The following HMCN2 variants were observed in gnomAD, a reference collection of about 807,000 sequenced individuals.
HMCN2 encodes hemicentin-2.
In HMCN2, 325 loss-of-function variants were observed where a neutral mutation model predicts 377.5. The ratio of observed to expected loss-of-function variants is 0.86; its 90% confidence interval spans 0.79 to 0.94. The LOEUF is 0.94. HMCN2 is among the 40% of genes least tolerant of loss of function. The pLI is 0.00. For missense variants in HMCN2, 4,543 were observed against 4,725.3 expected, an observed-to-expected ratio of 0.96 and a Z score of 1.13; for synonymous variants, 2,007 against 2,046.8, an observed-to-expected ratio of 0.98 and a Z score of 0.53.
chr9:130,340,527 T>C (rs1443856959), intron 23 of HMCN2, among the ~76,000 whole-genome samples: 1 of 151,694 alleles, frequency 6.6e-6, no homozygotes, highest in Non-Finnish European at 1.5e-5. Flanking sequence ...GCGCTTTTTT[T>C]TTTTTTTTCT....
chr9:130,391,547 G>C lies in HMCN2; in HGVS notation c.9925G>C (p.Ala3309Pro). Residue 3309 changes from alanine (A) to proline (P), a missense_variant, in exon 65 of 98, where the codon GCC becomes CCC. By Grantham distance (27) the Ala-to-Pro change is conservative (BLOSUM62 -1). This residue lies in a region of HMCN2 where 1,073 missense variants were observed against 1,319.5 expected (regional missense o/e 0.81). Coordinates refer to ENST00000683500, the MANE Select transcript of HMCN2 (RefSeq NM_001291815.2). ...CVAHNPAGED[A>P]RLHTVNVLVP... ...GGCCCACAACCCAGCCGGGGAGGACGCCAGGCTGCACACGGTGAATGTGCT... is the reference window on the plus strand; with the variant it reads ...GGCCCACAACCCAGCCGGGGAGGACCCCAGGCTGCACACGGTGAATGTGCT... The C allele has an allele frequency of 2.0e-6, 2 of 987,546 alleles. No homozygotes were observed. Among genetic ancestry groups the C allele is most frequent in the South Asian group, 9.4e-5 (2 of 21,364 alleles). 61.2% of individuals were successfully genotyped at this position (987,546 alleles called of 1,614,324 possible).
chr9:130,276,493 C>T lies in HMCN2; in HGVS notation c.260-8110C>T, dbSNP rs530554480. On this transcript the variant is annotated intron_variant, in intron 1 of 97. Transcript: ENST00000683500. ...TGGCAGAAATATCTCCTTGATTGAA[C>T]ATTAGCAGGTGGAGTTGACAGGGAC... Among the ~76,000 whole-genome samples the T allele has an allele frequency of 1.3e-4, 20 of 152,298 alleles. No individual in the cohort carries two copies. In the South Asian group the frequency reaches 2.9e-3, roughly 22 times the overall value.
Position 130,394,249 on chromosome 9 carries a change from C to T in HMCN2, c.10502-136C>T, listed in dbSNP as rs1233166338. 5.1e-6 allele frequency: 3 copies of T among 591,876 alleles called. No individual in the cohort carries two copies. Among genetic ancestry groups the T allele is most frequent in the East Asian group, 7.1e-5 (1 of 14,150 alleles). 36.7% of individuals were successfully genotyped at this position (591,876 alleles called of 1,614,324 possible). A position where few individuals can be genotyped will look rare whatever the true frequency, so the allele number is the denominator to read the frequency against. ...GTGCTCCTGGTTTCTTTCCACCAAACCTTGGTGGCAGATGCAAGAACAAGG... is the reference window on the plus strand; with the variant it reads ...GTGCTCCTGGTTTCTTTCCACCAAATCTTGGTGGCAGATGCAAGAACAAGG... On this transcript the variant is annotated intron_variant, in intron 68 of 97. Transcript: ENST00000683500. This position sits in a 1 kb window ranked among gnomAD's most constrained non-coding sequence, Gnocchi z 5.1.
intron 85 of HMCN2, among the ~76,000 whole-genome samples, chr9:130,415,358 G>T (rs1843630281): frequency 6.6e-6 from 1 of 152,064 alleles, no homozygotes; most frequent in African/African-American, 2.4e-5. Context: ...TTTATTTTTT[G>T]ATGGGGTCTT....
chr9:130,311,296 T>C (rs1008829085), intron 15 of HMCN2, among the ~76,000 whole-genome samples: 8 of 152,208 alleles, frequency 5.3e-5, no homozygotes, highest in Non-Finnish European at 1.2e-4. Context: ...CGGGCCAGGC[T>C]CTGACTGGAG....
At chr9:130,297,945 A>G (rs2131322292) in intron 7 of HMCN2, among the ~76,000 whole-genome samples, 1 of 152,240 alleles carries the variant, frequency 6.6e-6, no homozygotes, top group South Asian at 2.1e-4. Context: ...CTCTTGATAA[A>G]GATGTATATC....
intron 85 of HMCN2, among the ~76,000 whole-genome samples, chr9:130,413,011 T>C (rs1843508816): frequency 6.6e-6 from 1 of 152,276 alleles, no homozygotes; most frequent in South Asian, 2.1e-4. Flanking sequence ...CCATTTATGT[T>C]GATCTTGAAT....
rs1842476490 is a variant in HMCN2 at position 130,394,071 on chromosome 9, C to A, written c.10501+63C>A. ...GGGGGAGAGGGTGGGACTCTAGGGG[C>A]AATGGGAAGGACAGTGAGGGAGGTG... On this transcript the variant is annotated intron_variant, in intron 68 of 97. Transcript: ENST00000683500. This position sits in a 1 kb window ranked among gnomAD's most constrained non-coding sequence, Gnocchi z 5.1. The A allele has an allele frequency of 8.5e-7, 1 of 1,181,202 alleles. No homozygotes were observed. Among genetic ancestry groups the A allele is most frequent in the Non-Finnish European group, 1.1e-6 (1 of 935,278 alleles). The allele number at this position is 1,181,202 out of a possible 1,614,324, so 73.2% of individuals were successfully genotyped here.
intron 5 of HMCN2, among the ~76,000 whole-genome samples, chr9:130,295,374 C>G (rs1275597305): frequency 5.3e-5 from 8 of 152,052 alleles, no homozygotes; most frequent in Non-Finnish European, 7.4e-5. Flanking sequence ...GAGTGCTCAT[C>G]AAGGTCAACA....
intron 1 of HMCN2, among the ~76,000 whole-genome samples, chr9:130,278,255 G>T (rs1325973617): frequency 6.6e-6 from 1 of 152,100 alleles, no homozygotes; most frequent in Non-Finnish European, 1.5e-5. Context: ...CTCCCGAGTA[G>T]CTGGGACTAC....
chr9:130,314,391 C>A (rs1268015771), intron 15 of HMCN2, among the ~76,000 whole-genome samples: 1 of 152,104 alleles, frequency 6.6e-6, no homozygotes, highest in Admixed American at 6.5e-5. Flanking sequence ...AAAAAATGAC[C>A]AATAGTGAAT....
At position 130,393,831 on chromosome 9, in the gene HMCN2, G is replaced by A. The variant is rs865832305; in HGVS notation, c.10324G>A (p.Val3442Ile). 6.2e-5 allele frequency: 80 copies of A among 1,289,342 alleles called. No homozygotes were observed. The highest frequency in any genetic ancestry group is 1.2e-4 in the African/African-American group (8 of 65,972). 79.9% of individuals were successfully genotyped at this position (1,289,342 alleles called of 1,614,324 possible). The change falls in exon 68 of 98, where the codon GTT (valine) becomes ATT (isoleucine). Residue 3442 changes from valine (V) to isoleucine (I), a missense_variant. Val to Ile is a conservative substitution (Grantham distance 29). This residue lies in a region of HMCN2 where 1,073 missense variants were observed against 1,319.5 expected (regional missense o/e 0.81). Transcript: ENST00000683500. This position sits in a 1 kb window ranked among gnomAD's most constrained non-coding sequence, Gnocchi z 5.2. ...LVELPCEARG[V>I]PLPLVSWMKD... ...GGAACTCCCGTGCGAGGCCCGGGGC[G>A]TTCCCCTGCCTCTCGTGTCGTGGAT... is the stretch of plus-strand genomic sequence containing the variant.
Position 130,391,254 on chromosome 9 carries a change from G to A in HMCN2, c.9718G>A (p.Glu3240Lys). The A allele has an allele frequency of 1.0e-6, 1 of 987,780 alleles. No homozygotes were observed. The highest frequency in any genetic ancestry group is 1.2e-6 in the Non-Finnish European group (1 of 830,164). The allele number at this position is 987,780 out of a possible 1,614,324, so 61.2% of individuals were successfully genotyped here. ...CGTGGCGCGGGAGCACCATGTCTTG[G>A]AAGGGCAGGAGGTGCGGCTGGACTG... ...SGVAREHHVL[E>K]GQEVRLDCEA... is the part of the protein sequence containing the mutation. The change falls in exon 64 of 98, where the codon GAA becomes AAA. Residue 3240 changes from glutamate (E) to lysine (K), a missense_variant. Glu to Lys is a moderately conservative substitution (Grantham distance 56). Around this residue, in one of 5 missense-constraint regions of HMCN2, gnomAD observed 736 missense variants for 773.2 expected, o/e 0.95. Transcript: ENST00000683500.
rs541649011 is a variant in HMCN2 at position 130,434,108 on chromosome 9, A to AT, written c.*424dup. On this transcript the variant is annotated 3_prime_UTR_variant, in exon 98 of 98. Transcript: ENST00000683500. ...CTGAACCCTGTTGCAATATAAAGGGATTTTTTTTTAACCAACTTGGTTTCT... is the reference window on the plus strand; with the variant it reads ...CTGAACCCTGTTGCAATATAAAGGGATTTTTTTTTTAACCAACTTGGTTTCT... 4.8e-4 allele frequency: 80 copies of AT among 166,354 alleles called. No individual in the cohort carries two copies. The highest frequency in any genetic ancestry group is 7.2e-4 in the African/African-American group (30 of 41,944). 10.3% of individuals were successfully genotyped at this position (166,354 alleles called of 1,614,324 possible).
chr9:130,349,547 C>T lies in HMCN2; in HGVS notation c.4314C>T (p.Ser1438=), dbSNP rs373036886. 1.0e-5 allele frequency: 13 copies of T among 1,302,780 alleles called. No individual in the cohort carries two copies. Among genetic ancestry groups the T allele is most frequent in the South Asian group, 1.2e-5 (1 of 80,966 alleles). 80.7% of individuals were successfully genotyped at this position (1,302,780 alleles called of 1,614,324 possible). A position where few individuals can be genotyped will look rare whatever the true frequency, so the allele number is the denominator to read the frequency against. ...DFHLLVLTPP[S]VLGAGAAQEV... ...CCTTCTCACCCCCAGCCCCTCCTTC[C>T]GTGCTTGGAGCCGGGGCCGCTCAGG... is the stretch of plus-strand genomic sequence containing the variant. The change falls in exon 29 of 98, where the codon TCC becomes TCT. Residue 1438 remains serine, a synonymous_variant. Coordinates refer to ENST00000683500, the MANE Select transcript of HMCN2 (RefSeq NM_001291815.2).
chr9:130,406,409 C>T (rs1468432138), intron 82 of HMCN2: 4 of 346,356 alleles, frequency 1.2e-5, no homozygotes, highest in East Asian at 7.6e-5. Context: ...ACCCAGAGAC[C>T]TCAGGGCCAG....
rs1837149074 is a variant in HMCN2, at chr9:130,310,038, CA to C, written c.2328del (p.Glu777LysfsTer12). 2 of 533,302 alleles carry C rather than the reference CA, an allele frequency of 3.8e-6. No individual in the cohort carries two copies. The highest frequency in any genetic ancestry group is 2.8e-5 in the South Asian group (2 of 71,394). The allele number at this position is 533,302 out of a possible 1,614,324, so 33.0% of individuals were successfully genotyped here. ...GTCAATGAGTTGGGTGACGCCTCTG[CA>C]GAAATCCAGCTGGCGGTTGGACGTG... ...RAVNELGDASAEIQLAVGHAP... is the reference protein window; with the variant it reads ...RAVNELGDASXEIQLAVGHAP... On this transcript the variant is annotated frameshift_variant, in exon 15 of 98. Coordinates refer to ENST00000683500, the MANE Select transcript of HMCN2 (RefSeq NM_001291815.2). LOFTEE classifies it high-confidence loss of function.
intron 66 of HMCN2, among the ~76,000 whole-genome samples, chr9:130,392,376 G>A (rs1180224246): frequency 2.0e-5 from 3 of 152,204 alleles, no homozygotes; most frequent in South Asian, 2.1e-4. Flanking sequence ...CACAGGAGAC[G>A]AGGCCTGAGG....
At chr9:130,381,359 C>T (rs1377825198) in intron 54 of HMCN2, among the ~76,000 whole-genome samples, 2 of 151,936 alleles carry the variant, frequency 1.3e-5, no homozygotes, top group Non-Finnish European at 2.9e-5. Flanking sequence ...ATGCCAGGCT[C>T]TGGCCTTGGA....
Sources: allele counts gnomAD v4.1 joint callset (sites outside exome capture counted in the v4.1 genomes callset), GRCh38; gene constraint gnomAD v4.1.1; regional missense constraint gnomAD v4.1.1; non-coding constraint Gnocchi (gnomAD v3.1); transcripts MANE v1.5; gene names NCBI Gene and HGNC (gene_info 2026-07-23, HGNC 2026-07-21).